TTC28: variants seen among roughly 807,000 people sequenced by gnomAD.
The protein encoded by TTC28 is tetratricopeptide repeat protein 28.
A neutral mutation model predicts 198.0 loss-of-function variants in TTC28; 61 were observed. The ratio of observed to expected loss-of-function variants is 0.31; its 90% CI spans 0.25 to 0.38. The LOEUF is 0.38. Ranked by LOEUF, TTC28 falls within the 10% of genes least tolerant of loss-of-function variation. The pLI is 1.00. For synonymous variants in TTC28, 1,171 were observed against 1,297.8 expected (o/e 0.90, Z 2.10); for missense variants, 2,678 against 3,164.0 (o/e 0.85, Z 3.69).
intron 5 of TTC28, among the ~76,000 whole-genome samples, chr22:28,165,551 A>G (rs1014047330): frequency 2.6e-5 from 4 of 152,130 alleles, no homozygotes; most frequent in African/African-American, 9.7e-5. Context: ...AGAATTTTCA[A>G]CCCAGAATTT....
intron 5 of TTC28, among the ~76,000 whole-genome samples, chr22:28,198,295 C>T (rs1925575685): frequency 6.6e-6 from 1 of 152,034 alleles, no homozygotes; most frequent in Non-Finnish European, 1.5e-5. Context: ...AAAATTTTGA[C>T]AATCAAAATG....
At chr22:28,439,162 T>C (rs1047000648) in intron 2 of TTC28, among the ~76,000 whole-genome samples, 3 of 152,208 alleles carry the variant, frequency 2.0e-5, no homozygotes, top group Non-Finnish European at 4.4e-5. Flanking sequence ...TTGTAAAATA[T>C]GGTTCCTGAA....
intron 2 of TTC28, among the ~76,000 whole-genome samples, chr22:28,515,150 A>T (rs914287609): frequency 9.9e-5 from 15 of 152,210 alleles, no homozygotes; most frequent in African/African-American, 3.6e-4. Context: ...TAATATTTTA[A>T]ATCAATTATG....
chr22:28,086,955 A>C (rs909308807), intron 12 of TTC28, among the ~76,000 whole-genome samples: 1 of 152,184 alleles, frequency 6.6e-6, no homozygotes, highest in Non-Finnish European at 1.5e-5. Flanking sequence ...CCCAAGACTA[A>C]ACCAGGAAGA....
intron 1 of TTC28, among the ~76,000 whole-genome samples, chr22:28,676,036 T>C (rs906545605): frequency 1.3e-5 from 2 of 152,106 alleles, no homozygotes; most frequent in African/African-American, 4.8e-5. Flanking sequence ...AATGAAAATA[T>C]ACATCCACAC....
At chr22:28,391,910 G>C (rs1569300986) in intron 2 of TTC28, among the ~76,000 whole-genome samples, 1 of 152,214 alleles carries the variant, frequency 6.6e-6, no homozygotes, top group Non-Finnish European at 1.5e-5. Context: ...TGGAGGAGGA[G>C]AGGCGCTCTG....
intron 5 of TTC28, among the ~76,000 whole-genome samples, chr22:28,289,671 C>G (rs377294382): frequency 1.3e-4 from 20 of 152,162 alleles, no homozygotes; most frequent in Admixed American, 2.6e-4. Context: ...GAATAGCCAC[C>G]GCACTACAGC....
At chr22:28,429,996 T>C (rs1286382502) in intron 2 of TTC28, among the ~76,000 whole-genome samples, 1 of 151,646 alleles carries the variant, frequency 6.6e-6, no homozygotes, top group Non-Finnish European at 1.5e-5. Context: ...TTGCTTAGGA[T>C]GGATGTGTAA....
chr22:28,529,250 C>CAAG (rs2049076693), intron 2 of TTC28, among the ~76,000 whole-genome samples: 1 of 602 alleles, frequency 1.7e-3, no homozygotes, highest in African/African-American at 3.5e-3. Flanking sequence ...AAATGGCACA[C>CAAG]CAGATTATAT....
At chr22:28,080,785 T>C (rs1290006236) in intron 12 of TTC28, among the ~76,000 whole-genome samples, 1 of 152,202 alleles carries the variant, frequency 6.6e-6, no homozygotes, top group Non-Finnish European at 1.5e-5. Context: ...TAGCTTTTCC[T>C]CTATGTTTTC....
intron 13 of TTC28, among the ~76,000 whole-genome samples, chr22:28,016,801 G>T (rs1330639188): frequency 6.6e-6 from 1 of 152,218 alleles, no homozygotes; most frequent in Non-Finnish European, 1.5e-5. Context: ...AGTTCCTTCA[G>T]CTGCTCCAAA....
At chr22:28,037,467 A>G (rs1310316672) in intron 12 of TTC28, among the ~76,000 whole-genome samples, 1 of 152,156 alleles carries the variant, frequency 6.6e-6, no homozygotes, top group African/African-American at 2.4e-5. Flanking sequence ...AAATTCAACA[A>G]CCCTTCATGC....
intron 5 of TTC28, among the ~76,000 whole-genome samples, chr22:28,265,810 C>T (rs1486587852): frequency 2.6e-5 from 4 of 152,122 alleles, no homozygotes; most frequent in African/African-American, 4.8e-5. Flanking sequence ...TAGAAGTTAT[C>T]TCATCATTAT....
chr22:28,386,222 C>A (rs964448727), intron 2 of TTC28, among the ~76,000 whole-genome samples: 2 of 127,388 alleles, frequency 1.6e-5, no homozygotes, highest in African/African-American at 5.8e-5. Context: ...TTGCAGTGAG[C>A]CGAGATCCCG....
intron 2 of TTC28, among the ~76,000 whole-genome samples, chr22:28,433,715 G>A (rs922786273): frequency 4.6e-5 from 7 of 152,046 alleles, no homozygotes; most frequent in African/African-American, 1.4e-4. Flanking sequence ...TGCTCTCCAG[G>A]ATATGTAATT....
At chr22:28,086,824 G>C (rs1055668904) in intron 12 of TTC28, among the ~76,000 whole-genome samples, 2 of 151,838 alleles carry the variant, frequency 1.3e-5, no homozygotes, top group African/African-American at 4.8e-5. Context: ...AATGATAAAG[G>C]GGATATCACC....
intron 2 of TTC28, among the ~76,000 whole-genome samples, chr22:28,483,614 C>A (rs28614772): frequency 1.3e-5 from 2 of 152,122 alleles, no homozygotes; most frequent in African/African-American, 4.8e-5. Context: ...TAAAACCCAT[C>A]TGATGAATTT....
At chr22:28,027,061 G>A (rs1240661726) in intron 13 of TTC28, among the ~76,000 whole-genome samples, 1 of 152,084 alleles carries the variant, frequency 6.6e-6, no homozygotes, top group African/African-American at 2.4e-5. Flanking sequence ...GACTGACCCA[G>A]GTCCAGTCAC....
At chr22:28,176,018 G>A (rs1383239488) in intron 5 of TTC28, among the ~76,000 whole-genome samples, 2 of 152,042 alleles carry the variant, frequency 1.3e-5, no homozygotes, top group African/African-American at 2.4e-5. Context: ...CTCAAGAAAC[G>A]AAAAATAGAA....
Sources: allele counts gnomAD v4.1 joint callset (sites outside exome capture counted in the v4.1 genomes callset), GRCh38; gene constraint gnomAD v4.1.1; transcripts MANE v1.5; gene names NCBI Gene and HGNC (gene_info 2026-07-23, HGNC 2026-07-21).